Variants in PRLR observed in about 807,000 individuals in gnomAD.
The protein encoded by PRLR is prolactin receptor.
In PRLR, 13 loss-of-function variants were observed where a neutral mutation model predicts 40.2. The observed-to-expected ratio is 0.32, with a 90% CI of 0.21 to 0.51. The LOEUF (loss-of-function observed/expected upper bound fraction) is 0.51. Ranked by LOEUF, PRLR falls within the 20% of genes least tolerant of loss-of-function variation. The pLI is 0.97. For synonymous variants in PRLR, 269 were observed against 278.7 expected (o/e 0.97, Z 0.35); for missense variants, 656 against 747.3 (o/e 0.88, Z 1.42).
At chr5:35,189,164 G>A (rs1436194476) in intron 1 of PRLR, among the ~76,000 whole-genome samples, 3 of 152,144 alleles carry the variant, frequency 2.0e-5, no homozygotes, top group Non-Finnish European at 2.9e-5. Context: ...TAACACTAAG[G>A]ATGACCAGCA....
intron 1 of PRLR, among the ~76,000 whole-genome samples, chr5:35,204,779 T>C (rs1233706978): frequency 6.6e-6 from 1 of 152,186 alleles, no homozygotes; most frequent in Non-Finnish European, 1.5e-5. Flanking sequence ...TCATGTCTTA[T>C]GCATCTCTAT....
At chr5:35,163,201 T>C (rs1774727071) in intron 1 of PRLR, among the ~76,000 whole-genome samples, 1 of 152,066 alleles carries the variant, frequency 6.6e-6, no homozygotes, top group African/African-American at 2.4e-5. Context: ...GTTTCTAATT[T>C]CCCCATTTTT....
At chr5:35,113,473 CCATCCATCCATCCAT>C (rs1772818869) in intron 2 of PRLR, among the ~76,000 whole-genome samples, 1 of 147,672 alleles carries the variant, frequency 6.8e-6, no homozygotes, top group African/African-American at 2.5e-5. Flanking sequence ...ATCCATCCAT[CCATCCATCCATCCAT>C]CCACCCACCC....
chr5:35,230,194 C>T (rs373229926), intron 1 of PRLR, 74 bp downstream of exon 1: 2 of 152,228 alleles, frequency 1.3e-5, no homozygotes, highest in Admixed American at 6.5e-5. Context: ...GAACCCGCAT[C>T]CCGGAGAGCG....
chr5:35,082,509 C>A (rs1021652240), intron 5 of PRLR, among the ~76,000 whole-genome samples: 3 of 149,544 alleles, frequency 2.0e-5, no homozygotes, highest in Non-Finnish European at 4.4e-5. Context: ...GCACCACATA[C>A]AAGTAATACC....
intron 1 of PRLR, among the ~76,000 whole-genome samples, chr5:35,163,012 C>G (rs1332773467): frequency 6.6e-6 from 1 of 152,080 alleles, no homozygotes; most frequent in Non-Finnish European, 1.5e-5. Flanking sequence ...AGGCGGTTCC[C>G]AGAAAACTCC....
At chr5:35,092,609 A>C (rs750240909) in intron 2 of PRLR, among the ~76,000 whole-genome samples, 7 of 152,166 alleles carry the variant, frequency 4.6e-5, no homozygotes, top group Non-Finnish European at 8.8e-5. Flanking sequence ...GATCGAGGGC[A>C]GGCGTGGCCC....
At chr5:35,146,497 A>C (rs1285372743) in intron 1 of PRLR, among the ~76,000 whole-genome samples, 1 of 152,148 alleles carries the variant, frequency 6.6e-6, no homozygotes, top group Non-Finnish European at 1.5e-5. Flanking sequence ...TGTTCAGTAC[A>C]TGGGTGGCTG....
At chr5:35,127,408 A>G (rs979441781) in intron 1 of PRLR, among the ~76,000 whole-genome samples, 5 of 152,222 alleles carry the variant, frequency 3.3e-5, no homozygotes, top group Admixed American at 2.6e-4. Flanking sequence ...TTGTGCTATC[A>G]CCATTACATC....
intron 1 of PRLR, among the ~76,000 whole-genome samples, chr5:35,194,003 C>A (rs1263510438): frequency 6.6e-6 from 1 of 152,112 alleles, no homozygotes; most frequent in Non-Finnish European, 1.5e-5. Flanking sequence ...CCAAGCCAGG[C>A]AGAGATGGTG....
chr5:35,126,257 A>T (rs2111752700), intron 1 of PRLR, among the ~76,000 whole-genome samples: 1 of 152,210 alleles, frequency 6.6e-6, no homozygotes, highest in South Asian at 2.1e-4. Flanking sequence ...TTTTAGCCCG[A>T]GAGTGCCATG....
At chr5:35,219,767 C>T (rs1776370785) in intron 1 of PRLR, among the ~76,000 whole-genome samples, 1 of 152,172 alleles carries the variant, frequency 6.6e-6, no homozygotes, top group Non-Finnish European at 1.5e-5. Context: ...AGAAGTTTCT[C>T]CCCAGGCAGG....
chr5:35,146,465 A>G (rs540568022), intron 1 of PRLR, among the ~76,000 whole-genome samples: 10 of 152,238 alleles, frequency 6.6e-5, no homozygotes, highest in African/African-American at 2.4e-4. Flanking sequence ...CTTTTAACAG[A>G]GCTCTTTCCA....
chr5:35,143,511 A>C (rs1774082112), intron 1 of PRLR, among the ~76,000 whole-genome samples: 3 of 152,210 alleles, frequency 2.0e-5, no homozygotes, highest in African/African-American at 7.2e-5. Flanking sequence ...ACAGACACAC[A>C]AACCTCGTTT....
chr5:35,076,799 G>C (rs1304616168), intron 5 of PRLR, among the ~76,000 whole-genome samples: 2 of 152,156 alleles, frequency 1.3e-5, no homozygotes, highest in African/African-American at 4.8e-5. Flanking sequence ...CAGAGAGAAA[G>C]GTCAGGCTAC....
intron 2 of PRLR, among the ~76,000 whole-genome samples, chr5:35,101,737 CAT>C (rs1288963320): frequency 6.8e-6 from 1 of 147,922 alleles, no homozygotes; most frequent in African/African-American, 2.5e-5. Flanking sequence ...ATATATAAAA[CAT>C]ATATATAACA....
intron 3 of PRLR, 101 bp from the exon 4 acceptor site, chr5:35,086,441 T>C (rs1770854724): frequency 7.6e-6 from 11 of 1,449,368 alleles, no homozygotes; most frequent in Middle Eastern, 2.5e-4. Flanking sequence ...AAGCCAGCGA[T>C]GAAGTCTCAG....
intron 1 of PRLR, among the ~76,000 whole-genome samples, chr5:35,139,067 TA>T (rs1335817811): frequency 6.6e-6 from 1 of 152,212 alleles, no homozygotes. Flanking sequence ...TCCATGCAGT[TA>T]AAAGGTAAAT....
At chr5:35,098,603 C>G (rs1173688741) in intron 2 of PRLR, among the ~76,000 whole-genome samples, 1 of 152,118 alleles carries the variant, frequency 6.6e-6, no homozygotes, top group African/African-American at 2.4e-5. Flanking sequence ...TGCTGTTCAT[C>G]CAAACACAAA....
Sources: allele counts gnomAD v4.1 joint callset (sites outside exome capture counted in the v4.1 genomes callset), GRCh38; gene constraint gnomAD v4.1.1; transcripts MANE v1.5; gene names NCBI Gene and HGNC (gene_info 2026-07-23, HGNC 2026-07-21).